The following ABCA4 variants were observed in gnomAD, a reference collection of about 807,000 sequenced individuals.
The protein encoded by ABCA4 is ATP binding cassette subfamily A member 4.
ABCA4 carries 196 observed loss-of-function variants against 263.7 expected under a neutral mutation model. The observed-to-expected ratio is 0.74, with a 90% CI of 0.66 to 0.84. The LOEUF (loss-of-function observed/expected upper bound fraction) is 0.84. ABCA4 is among the 40% of genes least tolerant of loss of function. ABCA4 has a pLI of 0.00. For synonymous variants in ABCA4, 1,133 were observed against 1,094.2 expected, an observed-to-expected ratio of 1.04 and a Z score of -0.70; for missense variants, 2,792 against 2,855.1, an observed-to-expected ratio of 0.98 and a Z score of 0.50.
intron 23 of ABCA4, among the ~76,000 whole-genome samples, chr1:94,040,356 A>G (rs1469354619): frequency 6.6e-6 from 1 of 151,984 alleles, no homozygotes; most frequent in African/African-American, 2.4e-5. Context: ...GAGGAGCAGA[A>G]CCTCCAAGGG....
In ABCA4 at chr1:94,012,681, G is replaced by A. The variant is rs555215075; in HGVS notation, c.5461-1296C>T. Among the ~76,000 whole-genome samples, 18 of 152,250 alleles carry A rather than the reference G, an allele frequency of 1.2e-4. 1 individual carries two copies. The highest frequency in any genetic ancestry group is 3.9e-4 in the African/African-American group (16 of 41,544). ...CAGCCCCTGCAGCCTGGCTCTTCCCGCTGCCTCTGGCCTGCAGCATGTTAT... is the reference window on the plus strand; with the variant it reads ...CAGCCCCTGCAGCCTGGCTCTTCCCACTGCCTCTGGCCTGCAGCATGTTAT... On this transcript the variant is annotated intron_variant, in intron 38 of 49. Transcript: ENST00000370225.
chr1:94,036,637 G>T, intron 26 of ABCA4, 103 bp downstream of exon 26: 1 of 1,294,240 alleles, frequency 7.7e-7, no homozygotes, highest in Non-Finnish European at 1.1e-6. Flanking sequence ...CCAAATTGCT[G>T]GGATTACAGG....
intron 16 of ABCA4, among the ~76,000 whole-genome samples, chr1:94,052,079 A>G (rs183118066): frequency 7.9e-5 from 12 of 152,238 alleles, no homozygotes; most frequent in African/African-American, 2.9e-4. Context: ...AGTGCTTTCC[A>G]TGTGTTAAAT....
chr1:94,081,087 T>A (rs775697665), intron 7 of ABCA4, among the ~76,000 whole-genome samples: 1 of 152,044 alleles, frequency 6.6e-6, no homozygotes, highest in Non-Finnish European at 1.5e-5. Flanking sequence ...TAGCCGGACA[T>A]GGTGGCGGGC....
chr1:94,114,687 C>A (rs1662706952), intron 1 of ABCA4, among the ~76,000 whole-genome samples: 1 of 152,176 alleles, frequency 6.6e-6, no homozygotes, highest in Non-Finnish European at 1.5e-5. Context: ...CGGGGTTTCA[C>A]CATGTTAGCC....
intron 6 of ABCA4, among the ~76,000 whole-genome samples, chr1:94,091,579 TCACACACACACACA>T (rs35529737): frequency 1.1e-4 from 16 of 143,756 alleles, no homozygotes; most frequent in Non-Finnish European, 2.1e-4. Flanking sequence ...AAACATCATC[TCACACACACACACA>T]CACACACACA....
chr1:94,006,938 G>A (rs1659405105), intron 43 of ABCA4, among the ~76,000 whole-genome samples: 1 of 152,220 alleles, frequency 6.6e-6, no homozygotes, highest in South Asian at 2.1e-4. Context: ...GCAGATGAGT[G>A]AGAGCTCATC....
chr1:94,060,402 T>C, intron 14 of ABCA4, 135 bp downstream of exon 14: 2 of 841,194 alleles, frequency 2.4e-6, no homozygotes, highest in Middle Eastern at 6.8e-4. Flanking sequence ...CCACGTTGGC[T>C]AAAAGGAAGG....
intron 45 of ABCA4, chr1:94,001,577 G>C (rs748055628): frequency 4.4e-5 from 27 of 615,272 alleles, no homozygotes; most frequent in African/African-American, 2.9e-4. Context: ...CCGCAGAGTG[G>C]GCTGAACTTC....
intron 1 of ABCA4, among the ~76,000 whole-genome samples, chr1:94,114,444 A>G (rs775887099): frequency 3.3e-5 from 5 of 152,250 alleles, no homozygotes; most frequent in Middle Eastern, 3.4e-3. Context: ...GCGCGCACAC[A>G]CACACACAAT....
In ABCA4 at chr1:94,041,167, C is replaced by T. The variant is rs772998198; in HGVS notation, c.3522+42G>A. 3 of 1,609,938 alleles carry T rather than the reference C, an allele frequency of 1.9e-6. No homozygotes were observed. In the East Asian group the frequency reaches 6.7e-5, roughly 36 times the overall value. On this transcript the variant is annotated intron_variant, in intron 23 of 49. Coordinates refer to ENST00000370225, the MANE Select transcript of ABCA4 (RefSeq NM_000350.3). ...AGTGGCAGCCCCGTGCTGTGTGCTC[C>T]TTCTCACCCAGGCCAGGGTCCTTCC...
At chr1:94,017,176 C>G (rs1248721141) in intron 36 of ABCA4, among the ~76,000 whole-genome samples, 1 of 152,000 alleles carries the variant, frequency 6.6e-6, no homozygotes, top group African/African-American at 2.4e-5. Context: ...CTTTGAAGTG[C>G]CTCTACCTGA....
At chr1:94,105,558 T>C (rs1296148573) in intron 4 of ABCA4, among the ~76,000 whole-genome samples, 1 of 149,418 alleles carries the variant, frequency 6.7e-6, no homozygotes, top group Non-Finnish European at 1.5e-5. Flanking sequence ...GAAAGAAAAA[T>C]AAATTTCGTT....
intron 44 of ABCA4, 127 bp from the exon 45 acceptor site, chr1:94,002,119 C>A: frequency 1.5e-6 from 2 of 1,349,778 alleles, no homozygotes; most frequent in Non-Finnish European, 2.1e-6. Flanking sequence ...CTGAAACAGG[C>A]TCCTGCTGGC....
chr1:94,017,437 G>T (rs960654005), intron 36 of ABCA4, among the ~76,000 whole-genome samples: 1 of 152,208 alleles, frequency 6.6e-6, no homozygotes, highest in Non-Finnish European at 1.5e-5. Flanking sequence ...TAACCAGCCT[G>T]CAGTCCTCAA....
At chr1:94,063,832 A>G (rs2101080168) in intron 11 of ABCA4, among the ~76,000 whole-genome samples, 1 of 152,332 alleles carries the variant, frequency 6.6e-6, no homozygotes, top group East Asian at 1.9e-4. Context: ...ACAGACAGCC[A>G]AAATAACTTA....
At chr1:94,022,619 C>G (rs1404215833) in intron 32 of ABCA4, among the ~76,000 whole-genome samples, 1 of 152,178 alleles carries the variant, frequency 6.6e-6, no homozygotes, top group East Asian at 1.9e-4. Context: ...TGTGGAAACA[C>G]CAGTCTGAGT....
chr1:94,051,353 C>G (rs531034872), intron 17 of ABCA4, among the ~76,000 whole-genome samples: 1 of 152,338 alleles, frequency 6.6e-6, no homozygotes, highest in South Asian at 2.1e-4. Flanking sequence ...AGTGGCTTGG[C>G]CTTTTTTAAA....
intron 49 of ABCA4, among the ~76,000 whole-genome samples, chr1:93,995,606 C>A (rs1262113514): frequency 1.3e-5 from 2 of 152,178 alleles, no homozygotes; most frequent in Non-Finnish European, 2.9e-5. Context: ...TTATAAAGAA[C>A]AAAGAGCCCT....
Sources: gnomAD v4.1 joint callset for allele counts (sites outside exome capture counted in the v4.1 genomes callset) on GRCh38, gnomAD v4.1.1 for gene constraint, MANE v1.5 for transcripts, NCBI Gene and HGNC (gene_info 2026-07-23, HGNC 2026-07-21) for gene names.